DHX15: variants seen among roughly 807,000 people sequenced by gnomAD.
The protein encoded by DHX15 is DEAH-box helicase 15, also known as ATP-dependent RNA helicase DHX15.
Under a neutral mutation model 94.4 loss-of-function variants are expected in DHX15, and 11 were observed. The observed-to-expected ratio is 0.12, with a 90% CI of 0.07 to 0.19. DHX15 has a LOEUF of 0.19. DHX15 is among the 10% of genes least tolerant of loss of function. The pLI, the probability that DHX15 is intolerant of heterozygous loss-of-function variation, is 1.00. For missense variants in DHX15, 304 were observed against 988.5 expected (o/e 0.31, Z 9.29); for synonymous variants, 338 against 329.9 (o/e 1.02, Z -0.27).
chr4:24,584,282 C>A (rs1235173230), intron 1 of DHX15, 41 bp downstream of exon 1: 4 of 1,590,090 alleles, frequency 2.5e-6, no homozygotes, highest in East Asian at 4.6e-5. Flanking sequence ...AGGACCCCAA[C>A]AAAGCCCGAG....
At chr4:24,540,785 TAA>T in intron 9 of DHX15, 53 bp downstream of exon 9, 2 of 998,816 alleles carry the variant, frequency 2.0e-6, no homozygotes, top group Non-Finnish European at 3.1e-6. Flanking sequence ...AGAAAAACAC[TAA>T]GAGTCAATTT....
intron 1 of DHX15, among the ~76,000 whole-genome samples, chr4:24,577,676 T>A (rs1166104554): frequency 6.6e-6 from 1 of 152,160 alleles, no homozygotes; most frequent in Non-Finnish European, 1.5e-5. Context: ...AGATTGACCT[T>A]AATAAGTCAT....
intron 13 of DHX15, 68 bp from the exon 14 acceptor site, chr4:24,528,109 A>T: frequency 2.8e-6 from 3 of 1,062,134 alleles, no homozygotes; most frequent in Non-Finnish European, 4.4e-6. Flanking sequence ...TGTTAATAGG[A>T]TAGGCATTAT....
intron 3 of DHX15, among the ~76,000 whole-genome samples, chr4:24,557,939 C>T (rs930581982): frequency 2.0e-5 from 3 of 150,932 alleles, no homozygotes; most frequent in African/African-American, 7.3e-5. Flanking sequence ...TGTGAGTTAC[C>T]TCTCTTAGCT....
intron 1 of DHX15, among the ~76,000 whole-genome samples, chr4:24,581,268 T>C (rs950880009): frequency 1.3e-5 from 2 of 152,094 alleles, no homozygotes; most frequent in African/African-American, 4.8e-5. Flanking sequence ...GACCTCGTGA[T>C]CCACCCGCCT....
At chr4:24,574,053 A>T (rs193060368) in intron 2 of DHX15, among the ~76,000 whole-genome samples, 1 of 151,300 alleles carries the variant, frequency 6.6e-6, no homozygotes, top group African/African-American at 2.4e-5. Context: ...AAAAAAAAAA[A>T]AAAATAGCCA....
chr4:24,552,980 T>C (rs1486019753), intron 5 of DHX15, among the ~76,000 whole-genome samples: 4 of 152,232 alleles, frequency 2.6e-5, no homozygotes, highest in African/African-American at 9.6e-5. Flanking sequence ...AGAATCTCAA[T>C]ACGCTTATGT....
intron 12 of DHX15, 161 bp from the exon 13 acceptor site, chr4:24,529,931 G>T: frequency 1.4e-6 from 1 of 706,560 alleles, no homozygotes; most frequent in Non-Finnish European, 2.4e-6. Context: ...GCAAACTGCT[G>T]CCTGTGGGCC....
intron 7 of DHX15, 140 bp downstream of exon 7, chr4:24,542,800 A>T (rs10031829): frequency 0.014 from 8,021 of 570,992 alleles, 397 homozygotes; most frequent in African/African-American, 0.11. Context: ...CAAAACATAA[A>T]GGGTTCATAC....
Position 24,584,410 on chromosome 4 carries a change from C to A in DHX15, c.-17G>T. The A allele has an allele frequency of 6.2e-7, 1 of 1,609,374 alleles. No homozygotes were observed. The highest frequency in any genetic ancestry group is 8.5e-7 in the Non-Finnish European group (1 of 1,178,156). ...CTTGGACATCCTCGCACTCTTCGAA[C>A]GGGCAGTTATTAAGGAAGAAAGCTG... On this transcript the variant is annotated 5_prime_UTR_variant, in exon 1 of 14. Coordinates refer to ENST00000336812, the MANE Select transcript of DHX15 (RefSeq NM_001358.3).
In DHX15 at chr4:24,536,940, G is replaced by T. The variant is rs80040565; in HGVS notation, c.1909+111C>A. Reference sequence around the variant, plus strand: ...CAGGAGTTTTTCAAAAGTACCTCTGGGTTTCTAATATAAGTTGTCACGGAT... The same window carrying T: ...CAGGAGTTTTTCAAAAGTACCTCTGTGTTTCTAATATAAGTTGTCACGGAT... On this transcript the variant is annotated intron_variant, in intron 11 of 13. Transcript: ENST00000336812. 8,720 of 1,257,452 alleles carry T rather than the reference G, an allele frequency of 6.9e-3. 197 individuals are homozygous for T. Among genetic ancestry groups the T allele is most frequent in the African/African-American group, 0.064 (4,132 of 64,782 alleles). The allele number at this position is 1,257,452 out of a possible 1,614,324, so 77.9% of individuals were successfully genotyped here. A position where few individuals can be genotyped will look rare whatever the true frequency, so the allele number is the denominator to read the frequency against.
intron 13 of DHX15, 67 bp downstream of exon 13, chr4:24,529,534 G>C (rs1162931609): frequency 3.6e-6 from 5 of 1,408,348 alleles, no homozygotes; most frequent in Non-Finnish European, 4.0e-6. Flanking sequence ...CATGACTCTA[G>C]CAACAGTCAG....
chr4:24,565,434 T>C (rs1721972196), intron 3 of DHX15, among the ~76,000 whole-genome samples: 1 of 152,234 alleles, frequency 6.6e-6, no homozygotes, highest in Admixed American at 6.5e-5. Flanking sequence ...AAAATTACCC[T>C]TACCTAACTT....
rs188184587 is a variant in DHX15, at chr4:24,575,258, G to A, written c.507+985C>T. On this transcript the variant is annotated intron_variant, in intron 2 of 13. Transcript: ENST00000336812. ...TACAGTACCTTCAAAATGTCTCCATGCACATGTAACTTTAGAAAAAGATAA... is the reference window on the plus strand; with the variant it reads ...TACAGTACCTTCAAAATGTCTCCATACACATGTAACTTTAGAAAAAGATAA... Among the ~76,000 whole-genome samples the A allele has an allele frequency of 7.4e-4, 113 of 152,182 alleles. 1 individual carries two copies. The highest frequency in any genetic ancestry group is 2.6e-3 in the African/African-American group (106 of 41,532).
At chr4:24,549,141 T>C in intron 5 of DHX15, 119 bp from the exon 6 acceptor site, 1 of 774,334 alleles carries the variant, frequency 1.3e-6, no homozygotes, top group South Asian at 4.0e-5. Flanking sequence ...ATGGATACCC[T>C]GTTTTCAATT....
At chr4:24,569,573 C>CA in intron 3 of DHX15, among the ~76,000 whole-genome samples, 1 of 107,406 alleles carries the variant, frequency 9.3e-6, no homozygotes, top group Non-Finnish European at 1.7e-5. Flanking sequence ...GCCTGGGCAA[C>CA]AGAGTGAGAC....
At chr4:24,549,894 G>C (rs1157267046) in intron 5 of DHX15, among the ~76,000 whole-genome samples, 1 of 151,860 alleles carries the variant, frequency 6.6e-6, no homozygotes, top group Non-Finnish European at 1.5e-5. Flanking sequence ...GGGAGTTCGA[G>C]ACCACCCTGA....
At position 24,530,167 on chromosome 4, in the gene DHX15, A is replaced by G. The variant is rs1721045713; in HGVS notation, c.2101-397T>C. ...GCAGGCAGTGTTAGGTAGTTTTGAC[A>G]AGGACTTCATGGGTCCACAGAGCCC... is the stretch of plus-strand genomic sequence containing the variant. On this transcript the variant is annotated intron_variant, in intron 12 of 13. Coordinates refer to ENST00000336812, the MANE Select transcript of DHX15 (RefSeq NM_001358.3). 1.2e-5 allele frequency: 3 copies of G among 259,116 alleles called. No individual in the cohort carries two copies. The South Asian group carries it at 1.4e-4, about 12-fold the overall frequency. The allele number at this position is 259,116 out of a possible 1,614,324, so 16.1% of individuals were successfully genotyped here.
chr4:24,528,275 T>C (rs1362317728), intron 13 of DHX15, among the ~76,000 whole-genome samples: 1 of 152,138 alleles, frequency 6.6e-6, no homozygotes, highest in African/African-American at 2.4e-5. Context: ...ATAAACTTAA[T>C]AACAAACCCC....
Sources: allele counts gnomAD v4.1 joint callset (sites outside exome capture counted in the v4.1 genomes callset), GRCh38; gene constraint gnomAD v4.1.1; transcripts MANE v1.5; gene names NCBI Gene and HGNC (gene_info 2026-07-23, HGNC 2026-07-21).